The following IFT81 variants were observed in gnomAD, a reference collection of about 807,000 sequenced individuals.
The protein encoded by IFT81 is intraflagellar transport 81, also known as intraflagellar transport protein 81 homolog.
IFT81 carries 72 observed loss-of-function variants against 102.6 expected under a neutral mutation model. That is an observed-to-expected ratio of 0.70 (90% CI 0.58 to 0.85). The LOEUF (loss-of-function observed/expected upper bound fraction) is 0.85. IFT81 is among the 40% of genes least tolerant of loss of function. The pLI, the probability that IFT81 is intolerant of heterozygous loss-of-function variation, is 0.00. For missense variants in IFT81, 723 were observed against 787.3 expected (o/e 0.92, Z 0.98); for synonymous variants, 237 against 242.7 (o/e 0.98, Z 0.22).
At chr12:110,135,097 C>A in intron 6 of IFT81, 84 bp downstream of exon 6, 1 of 1,060,778 alleles carries the variant, frequency 9.4e-7, no homozygotes, top group Non-Finnish European at 1.4e-6. Context: ...AAGATTCAGC[C>A]AAGCATGAGT....
intron 10 of IFT81, 104 bp downstream of exon 10, chr12:110,147,152 A>G (rs544526224): frequency 4.9e-5 from 41 of 829,050 alleles, no homozygotes; most frequent in Admixed American, 1.2e-4. Context: ...TAGAGAATAA[A>G]TGTTGTTCTG....
intron 9 of IFT81, among the ~76,000 whole-genome samples, chr12:110,144,795 C>G (rs1314999572): frequency 3.3e-5 from 5 of 151,726 alleles, no homozygotes; most frequent in African/African-American, 1.2e-4. Flanking sequence ...CAGGTGTGAG[C>G]CACTGTGCTT....
At chr12:110,201,538 C>G (rs1898274142) in intron 14 of IFT81, among the ~76,000 whole-genome samples, 1 of 152,094 alleles carries the variant, frequency 6.6e-6, no homozygotes, top group Non-Finnish European at 1.5e-5. Flanking sequence ...TCAAGCAGCT[C>G]TCTCACTTCA....
chr12:110,127,598 GCACATTATTTAA>G, intron 2 of IFT81, 74 bp downstream of exon 2: 2 of 1,356,064 alleles, frequency 1.5e-6, no homozygotes, highest in South Asian at 1.6e-5. Context: ...TGAGTCTTGG[GCACATTATTTAA>G]CCTCTCTGAG....
rs1893714131 is a variant in IFT81 at position 110,124,550 on chromosome 12, T to C, written c.-333T>C. ...AGCACCTCGCAAGTGGAAGGGGTCG[T>C]CGCGGTTAAGCCCCCGGATAGGGGA... On this transcript the variant is annotated 5_prime_UTR_variant, in exon 1 of 19. Coordinates refer to ENST00000242591, the MANE Select transcript of IFT81 (RefSeq NM_014055.4). The C allele has an allele frequency of 6.6e-6, 1 of 152,256 alleles. No individual in the cohort carries two copies. The highest frequency in any genetic ancestry group is 2.1e-4 in the South Asian group (1 of 4,832). The allele number at this position is 152,256 out of a possible 1,614,324, so 9.4% of individuals were successfully genotyped here.
rs1481239617 is a variant in IFT81 at position 110,205,499 on chromosome 12, A to G, written c.1701A>G (p.Thr567=). ...AAGAAGAAAGTAGATACCATTATAC[A>G]AATTGTATGATTAAGGTAAGACAAA... ...CLQEESRYHY[T]NCMIKNLEVQ... Residue 567 remains threonine, a synonymous_variant, in exon 16 of 19, where the codon ACA becomes ACG. Coordinates refer to ENST00000242591, the MANE Select transcript of IFT81 (RefSeq NM_014055.4). 6.2e-7 allele frequency: 1 copy of G among 1,603,804 alleles called. No homozygotes were observed. Among genetic ancestry groups the G allele is most frequent in the Non-Finnish European group, 8.5e-7 (1 of 1,176,058 alleles).
chr12:110,184,103 C>A (rs779429076), intron 12 of IFT81, among the ~76,000 whole-genome samples: 1 of 152,210 alleles, frequency 6.6e-6, no homozygotes, highest in African/African-American at 2.4e-5. Flanking sequence ...GTAATCCCAG[C>A]ACTTTGGGAG....
At chr12:110,135,256 G>C (rs1894415297) in intron 6 of IFT81, 71 bp from the exon 7 acceptor site, 1 of 921,434 alleles carries the variant, frequency 1.1e-6, no homozygotes, top group Admixed American at 2.2e-5. Flanking sequence ...GTGGATGTCT[G>C]AGTCACATGA....
chr12:110,161,440 G>A (rs1896130110), intron 10 of IFT81, among the ~76,000 whole-genome samples: 1 of 138,086 alleles, frequency 7.2e-6, no homozygotes, highest in African/African-American at 2.7e-5. Flanking sequence ...GAGCCACCAC[G>A]CCTGACCCAC....
In IFT81 at chr12:110,162,993, A is replaced by T; in HGVS notation, c.1116A>T (p.Leu372=). 2 of 1,613,950 alleles carry T rather than the reference A, an allele frequency of 1.2e-6. 1 individual carries two copies. The highest frequency in any genetic ancestry group is 1.7e-6 in the Non-Finnish European group (2 of 1,179,874). ...AGGCCAAGGAGAAGTTAGCCAGCCT[A>T]GAGAGAGAAGCATCAGTAAAGAGAA... ...LQEAKEKLAS[L]EREASVKRNQ... The change falls in exon 11 of 19, where the codon CTA becomes CTT. Residue 372 remains leucine (L), a synonymous_variant. Transcript: ENST00000242591.
In IFT81 at chr12:110,134,975, G is replaced by T; in HGVS notation, c.547G>T (p.Asp183Tyr). The T allele has an allele frequency of 1.9e-6, 3 of 1,611,162 alleles. No homozygotes were observed. The highest frequency in any genetic ancestry group is 2.5e-6 in the Non-Finnish European group (3 of 1,179,180). ...KDISAMEEEK[D>Y]QLIKRVEHLK... Reference sequence around the variant, plus strand: ...TATCAGTGCAATGGAAGAAGAAAAGGATCAGCTCATTAAGAGAGTTGAACA... The same window carrying T: ...TATCAGTGCAATGGAAGAAGAAAAGTATCAGCTCATTAAGAGAGTTGAACA... Residue 183 changes from aspartate (D) to tyrosine (Y), a missense_variant, in exon 6 of 19, where the codon GAT (aspartate) becomes TAT (tyrosine). By Grantham distance (160) the Asp-to-Tyr change is radical. Coordinates refer to ENST00000242591, the MANE Select transcript of IFT81 (RefSeq NM_014055.4).
intron 11 of IFT81, chr12:110,169,288 T>C (rs1030334776): frequency 3.9e-5 from 6 of 152,076 alleles, no homozygotes; most frequent in African/African-American, 1.4e-4. Context: ...CTTTTAGAAG[T>C]TTGCACCTGG....
chr12:110,139,851 T>A lies in IFT81; in HGVS notation c.781+2991T>A, dbSNP rs867094394. Among the ~76,000 whole-genome samples, 670 of 118,998 alleles carry A rather than the reference T, an allele frequency of 5.6e-3. 9 individuals are homozygous for A. Among genetic ancestry groups the A allele is most frequent in the African/African-American group, 0.015 (371 of 25,168 alleles). The allele number at this position is 118,998 out of a possible 152,430, so 78.1% of individuals were successfully genotyped here. A position where few individuals can be genotyped will look rare whatever the true frequency, so the allele number is the denominator to read the frequency against. The stretch of plus-strand genomic sequence containing the variant: ...ATAAAATAAAATAAAATAAAATAAA[T>A]AAAATAAAATAAAATATAAAATAAA... On this transcript the variant is annotated intron_variant, in intron 8 of 18. Transcript: ENST00000242591.
chr12:110,173,255 G>A (rs1896861480), intron 11 of IFT81, among the ~76,000 whole-genome samples: 1 of 148,766 alleles, frequency 6.7e-6, no homozygotes, highest in African/African-American at 2.5e-5. Flanking sequence ...CCGTCCGGGA[G>A]GTGAGGGGCG....
intron 8 of IFT81, among the ~76,000 whole-genome samples, chr12:110,138,271 G>A (rs995261032): frequency 1.3e-5 from 2 of 152,150 alleles, no homozygotes; most frequent in Admixed American, 1.3e-4. Flanking sequence ...ATATTTAATT[G>A]ATCCAGGTAT....
At position 110,207,411 on chromosome 12, in the gene IFT81, G is replaced by A. The variant is rs1421243695; in HGVS notation, c.1802+1731G>A. On this transcript the variant is annotated intron_variant, in intron 17 of 18. Transcript: ENST00000242591. Reference sequence around the variant, plus strand: ...TGCAAAATTTTCCTTTACTTAGACTGCTGTATTTTCTCTTTTTATGGCTTA... The same window carrying A: ...TGCAAAATTTTCCTTTACTTAGACTACTGTATTTTCTCTTTTTATGGCTTA... Among the ~76,000 whole-genome samples, 4 of 152,026 alleles carry A rather than the reference G, an allele frequency of 2.6e-5. No homozygotes were observed. In the South Asian group the frequency reaches 8.3e-4, roughly 32 times the overall value.
In IFT81 at chr12:110,143,398, AGAG is replaced by A. The variant is rs1895013129; in HGVS notation, c.805_807del (p.Glu269del). The A allele has an allele frequency of 1.4e-6, 2 of 1,380,542 alleles. No homozygotes were observed. The highest frequency in any genetic ancestry group is 1.9e-6 in the Non-Finnish European group (2 of 1,028,348). The allele number at this position is 1,380,542 out of a possible 1,614,324, so 85.5% of individuals were successfully genotyped here. A position where few individuals can be genotyped will look rare whatever the true frequency, so the allele number is the denominator to read the frequency against. ...TTTTTAAAGGTTTAATGAAGAGGCT[AGAG>A]GAGGAGATAAAATTTAATTTATATA... On this transcript the variant is annotated inframe_deletion, in exon 9 of 19. Coordinates refer to ENST00000242591, the MANE Select transcript of IFT81 (RefSeq NM_014055.4).
At chr12:110,205,817 T>C (rs1205482043) in intron 17 of IFT81, 137 bp downstream of exon 17, 2 of 523,608 alleles carry the variant, frequency 3.8e-6, no homozygotes, top group Non-Finnish European at 6.6e-6. Flanking sequence ...TAAATCTTAC[T>C]AAACATCTAG....
At chr12:110,151,484 T>A (rs531121758) in intron 10 of IFT81, among the ~76,000 whole-genome samples, 2 of 152,330 alleles carry the variant, frequency 1.3e-5, no homozygotes, top group South Asian at 4.1e-4. Flanking sequence ...AATGCTACTA[T>A]GAACATTCTT....
Sources: gnomAD v4.1 joint callset for allele counts (sites outside exome capture counted in the v4.1 genomes callset) on GRCh38, gnomAD v4.1.1 for gene constraint, MANE v1.5 for transcripts, NCBI Gene and HGNC (gene_info 2026-07-23, HGNC 2026-07-21) for gene names.